GRIA3: variants seen among roughly 807,000 people sequenced by gnomAD.
The protein encoded by GRIA3 is glutamate receptor 3.
Under a neutral mutation model 63.0 loss-of-function variants are expected in GRIA3, and 3 were observed. The ratio of observed to expected loss-of-function variants is 0.05; its 90% CI spans 0.02 to 0.12. The LOEUF (loss-of-function observed/expected upper bound fraction) is 0.12, where lower values mean the gene tolerates loss of function less well. Ranked by LOEUF, GRIA3 falls within the 10% of genes least tolerant of loss-of-function variation. The pLI, the probability that GRIA3 is intolerant of heterozygous loss-of-function variation, is 1.00. For missense variants in GRIA3, 347 were observed against 700.9 expected, an observed-to-expected ratio of 0.50 and a Z score of 5.70; for synonymous variants, 274 against 257.9, an observed-to-expected ratio of 1.06 and a Z score of -0.60.
chrX:123,189,127 G>A (rs939633084), intron 2 of GRIA3, among the ~76,000 whole-genome samples: 6 of 112,076 alleles, frequency 5.4e-5, no homozygotes, highest in Non-Finnish European at 7.5e-5. Context: ...ATGGATTGAA[G>A]TTTATCTAAG....
At chrX:123,417,366 A>C in intron 10 of GRIA3, 36 bp from the exon 11 acceptor site, 2 of 1,139,503 alleles carry the variant, frequency 1.8e-6, no homozygotes, top group Non-Finnish European at 2.4e-6. Flanking sequence ...TGTCTCTAAA[A>C]GTCATATATG....
intron 3 of GRIA3, among the ~76,000 whole-genome samples, chrX:123,268,707 C>A (rs984302975): frequency 1.8e-5 from 2 of 110,753 alleles, no homozygotes; most frequent in Non-Finnish European, 3.8e-5. Context: ...TGAATTGGCC[C>A]ATATTTTGTC....
chrX:123,200,608 TACACACACAC>T (rs200626306), intron 2 of GRIA3, among the ~76,000 whole-genome samples: 9 of 76,392 alleles, frequency 1.2e-4, no homozygotes, highest in African/African-American at 3.3e-4. Flanking sequence ...CACACATACA[TACACACACAC>T]ACACACACAC....
intron 3 of GRIA3, among the ~76,000 whole-genome samples, chrX:123,303,097 C>A (rs941342306): frequency 3.6e-5 from 4 of 111,154 alleles, no homozygotes; most frequent in African/African-American, 1.3e-4. Flanking sequence ...AATGTTAATG[C>A]ATTTAGATTT....
chrX:123,433,327 A>G (rs1211389527), intron 12 of GRIA3, among the ~76,000 whole-genome samples: 1 of 112,181 alleles, frequency 8.9e-6, no homozygotes, highest in Non-Finnish European at 1.9e-5. Flanking sequence ...ATAATTTTAT[A>G]AAACTGTCAT....
At position 123,269,616 on chromosome X, in the gene GRIA3, G is replaced by A. The variant is rs765159295; in HGVS notation, c.508+16074G>A. On this transcript the variant is annotated intron_variant, in intron 3 of 15. Transcript: ENST00000620443. ...AAGGTAGAAACGGCTGATGGACAAC[G>A]TCTCTCAGACATCTCTGTGGTTTAG... Among the ~76,000 whole-genome samples the A allele has an allele frequency of 7.2e-5, 8 of 111,804 alleles. No homozygotes were observed. In the South Asian group the frequency reaches 2.3e-3, roughly 32 times the overall value.
At chrX:123,277,228 C>T (rs1238801690) in intron 3 of GRIA3, among the ~76,000 whole-genome samples, 1 of 110,818 alleles carries the variant, frequency 9.0e-6, no homozygotes, top group East Asian at 2.8e-4. Flanking sequence ...AATGGGGCAT[C>T]CATCCCCTTA....
At chrX:123,466,264 G>A (rs2045833116) in intron 13 of GRIA3, among the ~76,000 whole-genome samples, 1 of 111,834 alleles carries the variant, frequency 8.9e-6, no homozygotes, top group Non-Finnish European at 1.9e-5. Context: ...ATGTGTCTGA[G>A]TGATGAGATG....
chrX:123,303,778 C>A (rs1485745163), intron 3 of GRIA3, among the ~76,000 whole-genome samples: 2 of 110,972 alleles, frequency 1.8e-5, no homozygotes, highest in Non-Finnish European at 3.8e-5. Context: ...GTGCTACAAC[C>A]AAGGAGAATC....
intron 3 of GRIA3, among the ~76,000 whole-genome samples, chrX:123,321,381 C>T (rs1011289505): frequency 1.8e-5 from 2 of 111,689 alleles, no homozygotes; most frequent in Non-Finnish European, 3.8e-5. Flanking sequence ...GTTAAAAGAC[C>T]CCGTCAGAAG....
chrX:123,426,749 A>T (rs1372463498), intron 11 of GRIA3, among the ~76,000 whole-genome samples: 1 of 112,124 alleles, frequency 8.9e-6, no homozygotes, highest in Non-Finnish European at 1.9e-5. Context: ...AAGAACAAAA[A>T]TTTCCCCTTA....
intron 3 of GRIA3, among the ~76,000 whole-genome samples, chrX:123,264,671 T>C (rs1220973535): frequency 8.9e-6 from 1 of 111,970 alleles, no homozygotes; most frequent in South Asian, 3.8e-4. Flanking sequence ...GGCAGCCACT[T>C]TAAGGAAGAC....
At chrX:123,395,197 C>T in intron 6 of GRIA3, 68 bp downstream of exon 6, 2 of 887,517 alleles carry the variant, frequency 2.3e-6, no homozygotes, top group Non-Finnish European at 3.3e-6. Context: ...GATCTTTATA[C>T]ACTAACAGTC....
At chrX:123,463,657 A>AG (rs2045812439) in intron 12 of GRIA3, among the ~76,000 whole-genome samples, 2 of 55,526 alleles carry the variant, frequency 3.6e-5, no homozygotes, top group African/African-American at 9.1e-5. Flanking sequence ...AGAAAGAAAG[A>AG]AAGAAAGAAA....
chrX:123,415,947 C>T (rs1285712465), intron 10 of GRIA3, among the ~76,000 whole-genome samples: 1 of 111,618 alleles, frequency 9.0e-6, no homozygotes, highest in African/African-American at 3.3e-5. Flanking sequence ...ATAGTAGAAA[C>T]CTGCAAGTAT....
intron 11 of GRIA3, among the ~76,000 whole-genome samples, chrX:123,418,818 C>T (rs191824966): frequency 1.5e-4 from 17 of 112,348 alleles, no homozygotes; most frequent in African/African-American, 4.8e-4. Flanking sequence ...CAAAATGCTA[C>T]AGCCACATTG....
At chrX:123,232,009 G>T (rs766042379) in intron 2 of GRIA3, among the ~76,000 whole-genome samples, 1 of 111,627 alleles carries the variant, frequency 9.0e-6, no homozygotes, top group South Asian at 3.8e-4. Context: ...CTTCTGGAAA[G>T]GTCACATCCT....
chrX:123,355,951 T>G (rs1251288733), intron 5 of GRIA3, among the ~76,000 whole-genome samples: 2 of 112,180 alleles, frequency 1.8e-5, no homozygotes, highest in African/African-American at 6.5e-5. Context: ...AGATGCAGAT[T>G]AGAGCTACTG....
intron 3 of GRIA3, among the ~76,000 whole-genome samples, chrX:123,303,734 G>A (rs1397331473): frequency 9.0e-6 from 1 of 110,794 alleles, no homozygotes; most frequent in African/African-American, 3.3e-5. Flanking sequence ...TCTGTGAGGA[G>A]GATCTCCCAT....
Sources: allele counts gnomAD v4.1 joint callset (sites outside exome capture counted in the v4.1 genomes callset), GRCh38; gene constraint gnomAD v4.1.1; transcripts MANE v1.5; gene names NCBI Gene and HGNC (gene_info 2026-07-23, HGNC 2026-07-21).